CPLANE1: variants seen among roughly 807,000 people sequenced by gnomAD.
CPLANE1 encodes ciliogenesis and planar polarity effector 1.
Under a neutral mutation model 362.5 loss-of-function variants are expected in CPLANE1, and 263 were observed. The observed-to-expected ratio is 0.73, with a 90% CI of 0.66 to 0.80. CPLANE1 has a LOEUF of 0.80. Ranked by LOEUF, CPLANE1 falls within the 30% of genes least tolerant of loss-of-function variation. CPLANE1 has a pLI of 0.00. For synonymous variants in CPLANE1, 1,212 were observed against 1,302.6 expected (o/e 0.93, Z 1.50); for missense variants, 3,461 against 3,793.4 (o/e 0.91, Z 2.30).
intron 16 of CPLANE1, chr5:37,211,922 G>C: frequency 1.3e-6 from 1 of 797,124 alleles, no homozygotes; most frequent in Non-Finnish European, 2.3e-6. Context: ...TGCTTCATAT[G>C]GGCGCAGCTG....
chr5:37,238,417 A>G (rs1799502210), intron 8 of CPLANE1, among the ~76,000 whole-genome samples: 1 of 150,084 alleles, frequency 6.7e-6, no homozygotes, highest in African/African-American at 2.5e-5. Flanking sequence ...TCCTGACCTC[A>G]GGTGATCCAC....
Position 37,206,230 on chromosome 5 carries a change from T to A in CPLANE1, c.3116A>T (p.Gln1039Leu). ...KTSVSIGVAF[Q>L]LFCKRDSNFM... ...ATTGCTATCACGTTTACAGAACAGC[T>A]GGAAAGCCACACCAATTGAAACAGA... is the stretch of plus-strand genomic sequence containing the variant. The change falls in exon 17 of 53, where the codon CAG becomes CTG. Residue 1039 changes from glutamine (Q) to leucine (L), a missense_variant. Physicochemically the swap from Gln to Leu is moderately radical, Grantham distance 113. Transcript: ENST00000651892. 6.4e-7 allele frequency: 1 copy of A among 1,551,870 alleles called. No homozygotes were observed. The highest frequency in any genetic ancestry group is 2.4e-5 in the East Asian group (1 of 40,924).
chr5:37,136,751 C>T (rs532561991), intron 46 of CPLANE1, among the ~76,000 whole-genome samples: 4 of 152,362 alleles, frequency 2.6e-5, no homozygotes, highest in South Asian at 2.1e-4. Context: ...CTCAACACCA[C>T]GTGGAGGCTG....
intron 38 of CPLANE1, 92 bp downstream of exon 38, chr5:37,162,373 T>C: frequency 1.3e-6 from 1 of 756,042 alleles, no homozygotes; most frequent in South Asian, 1.8e-5. Flanking sequence ...TAATTAAAAA[T>C]TCCCTTTAAA....
At chr5:37,122,195 A>G (rs1762857188) in intron 48 of CPLANE1, among the ~76,000 whole-genome samples, 1 of 152,208 alleles carries the variant, frequency 6.6e-6, no homozygotes. Flanking sequence ...GGGTTGGGAA[A>G]GGGAGAACAG....
Position 37,224,278 on chromosome 5 carries a change from T to C in CPLANE1, c.2556A>G (p.Lys852=), listed in dbSNP as rs1396051345. 1 of 1,548,398 alleles carries C rather than the reference T, an allele frequency of 6.5e-7. No individual in the cohort carries two copies. The highest frequency in any genetic ancestry group is 2.5e-5 in the East Asian group (1 of 40,778). The change falls in exon 14 of 53, where the codon AAA becomes AAG. Residue 852 remains lysine, a synonymous_variant. Transcript: ENST00000651892. ...CTTTCTCTTCGATTTCTTGTAGAGC[T>C]TTTTTCCACAGCTGAACAGACTTTT... ...SYEKSVQLWK[K]ALQEIEEKGG...
rs1796520070 is a variant in CPLANE1, at chr5:37,226,611, T to C, written c.1984A>G (p.Lys662Glu). The change falls in exon 12 of 53, where the codon AAG (lysine) becomes GAG (glutamate). Residue 662 changes from lysine (K) to glutamate (E), a missense_variant. Lys to Glu is a moderately conservative substitution (Grantham distance 56). Coordinates refer to ENST00000651892, the MANE Select transcript of CPLANE1 (RefSeq NM_001384732.1). ...AGTTTTACAGTATTTGAGGTCAGCTTTATCAAATGCCCCACATCTTGTTTG... is the reference window on the plus strand; with the variant it reads ...AGTTTTACAGTATTTGAGGTCAGCTCTATCAAATGCCCCACATCTTGTTTG... Reference protein sequence around the residue: ...RYKQDVGHLIKLTSNTVKLLL... With the variant: ...RYKQDVGHLIELTSNTVKLLL... The C allele has an allele frequency of 6.4e-7, 1 of 1,551,498 alleles. No homozygotes were observed. Among genetic ancestry groups the C allele is most frequent in the Non-Finnish European group, 8.7e-7 (1 of 1,146,898 alleles).
the CPLANE1 span, among the ~76,000 whole-genome samples, chr5:37,076,275 A>AAAG: frequency 6.6e-6 from 1 of 151,764 alleles, no homozygotes; most frequent in African/African-American, 2.4e-5. Context: ...AAAGAAAAGA[A>AAAG]AAGAGAAAAT....
In CPLANE1 at chr5:37,141,386, T is replaced by TA. The variant is rs1769668487; in HGVS notation, c.8632+923dup. Reference sequence around the variant, plus strand: ...GAAAAGCTATCAGTGACCAAGAAAATAAAACAAGATTCTCAGATGCTTTAT... The same window carrying TA: ...GAAAAGCTATCAGTGACCAAGAAAATAAAAACAAGATTCTCAGATGCTTTAT... On this transcript the variant is annotated intron_variant, in intron 44 of 52. Coordinates refer to ENST00000651892, the MANE Select transcript of CPLANE1 (RefSeq NM_001384732.1). 3.0e-6 allele frequency: 3 copies of TA among 985,188 alleles called. No homozygotes were observed. In the Admixed American group the frequency reaches 1.8e-4, roughly 61 times the overall value. The allele number at this position is 985,188 out of a possible 1,614,324, so 61.0% of individuals were successfully genotyped here. A position where few individuals can be genotyped will look rare whatever the true frequency, so the allele number is the denominator to read the frequency against.
intron 47 of CPLANE1, chr5:37,124,910 C>T (rs1240528437): frequency 3.8e-6 from 4 of 1,052,754 alleles, no homozygotes; most frequent in East Asian, 8.5e-5. Flanking sequence ...AGTTGGTTGT[C>T]GCAACTGCCA....
Position 37,182,796 on chromosome 5 carries a change from A to G in CPLANE1, c.5385T>C (p.Tyr1795=), listed in dbSNP as rs1783031780. 1 of 1,613,438 alleles carries G rather than the reference A, an allele frequency of 6.2e-7. No homozygotes were observed. The highest frequency in any genetic ancestry group is 1.3e-5 in the African/African-American group (1 of 75,020). ...CATTTTTTGCCTTATATGTAGCAAA[A>G]TAGGGTTGTTCCAAAAGCCATAATG... ...LTSLWLLEQP[Y]FATYKAKNAI... Residue 1795 remains tyrosine, a synonymous_variant, in exon 26 of 53, where the codon TAT becomes TAC. Transcript: ENST00000651892.
chr5:37,108,942 T>C (rs1758346643), intron 51 of CPLANE1, among the ~76,000 whole-genome samples: 1 of 152,198 alleles, frequency 6.6e-6, no homozygotes, highest in African/African-American at 2.4e-5. Flanking sequence ...TGACCCTCTT[T>C]CTTCTTACTG....
intron 30 of CPLANE1, among the ~76,000 whole-genome samples, chr5:37,176,952 G>A (rs1293090459): frequency 1.3e-5 from 2 of 152,068 alleles, no homozygotes; most frequent in Middle Eastern, 3.4e-3. Context: ...TAGAGACAGG[G>A]TTTCACCGTG....
intron 46 of CPLANE1, among the ~76,000 whole-genome samples, chr5:37,131,939 T>G (rs1034846988): frequency 3.9e-5 from 6 of 152,198 alleles, no homozygotes; most frequent in African/African-American, 1.4e-4. Flanking sequence ...ATTACAGGTG[T>G]GAGCTATCGC....
At chr5:37,166,028 C>T (rs979597709) in intron 35 of CPLANE1, among the ~76,000 whole-genome samples, 2 of 152,126 alleles carry the variant, frequency 1.3e-5, no homozygotes, top group African/African-American at 4.8e-5. Flanking sequence ...ACATTAAGCA[C>T]ACTTAGTCAC....
intron 39 of CPLANE1, 69 bp downstream of exon 39, chr5:37,158,155 T>A (rs1775717309): frequency 5.3e-6 from 8 of 1,502,146 alleles, no homozygotes; most frequent in Non-Finnish European, 7.3e-6. Context: ...CCCAATTGAA[T>A]AATGTCTACA....
At chr5:37,218,423 A>T (rs1459317921) in intron 15 of CPLANE1, among the ~76,000 whole-genome samples, 2 of 152,132 alleles carry the variant, frequency 1.3e-5, no homozygotes, top group Non-Finnish European at 2.9e-5. Context: ...CTCTACTGGG[A>T]GAGGATTCAT....
intron 51 of CPLANE1, among the ~76,000 whole-genome samples, chr5:37,113,182 A>G (rs1286665129): frequency 6.6e-6 from 1 of 152,172 alleles, no homozygotes; most frequent in East Asian, 1.9e-4. Flanking sequence ...CTCATCTTGA[A>G]TTGTAGCTCC....
chr5:37,148,719 A>G lies in CPLANE1; in HGVS notation c.8374-451T>C, dbSNP rs1772498121. On this transcript the variant is annotated intron_variant, in intron 42 of 52. Coordinates refer to ENST00000651892, the MANE Select transcript of CPLANE1 (RefSeq NM_001384732.1). The stretch of plus-strand genomic sequence containing the variant: ...TAGGCAAGTGAAGATGTTTGTATTT[A>G]TGTGTACATTATAATAATGTGAGAG... Among the ~76,000 whole-genome samples the G allele has an allele frequency of 2.6e-5, 4 of 152,154 alleles. No homozygotes were observed. In the South Asian group the frequency reaches 8.3e-4, roughly 32 times the overall value.
Sources: gnomAD v4.1 joint callset for allele counts (sites outside exome capture counted in the v4.1 genomes callset) on GRCh38, gnomAD v4.1.1 for gene constraint, MANE v1.5 for transcripts, NCBI Gene and HGNC (gene_info 2026-07-23, HGNC 2026-07-21) for gene names.